The following KALRN variants were observed in gnomAD, a reference collection of about 807,000 sequenced individuals.
The protein encoded by KALRN is kalirin.
KALRN carries 70 observed loss-of-function variants against 353.7 expected under a neutral mutation model. The observed-to-expected ratio is 0.20, with a 90% confidence interval of 0.16 to 0.24. The LOEUF (loss-of-function observed/expected upper bound fraction) is 0.24. Among genes scored for constraint, KALRN ranks in the 10% least tolerant of loss-of-function variants. The pLI is 1.00. For missense variants in KALRN, 2,791 were observed against 3,756.7 expected (o/e 0.74, Z 6.72); for synonymous variants, 1,391 against 1,434.8 (o/e 0.97, Z 0.69).
At chr3:124,622,709 G>A (rs1490196876) in intron 34 of KALRN, among the ~76,000 whole-genome samples, 2 of 152,172 alleles carry the variant, frequency 1.3e-5, no homozygotes, top group Non-Finnish European at 1.5e-5. Flanking sequence ...TTCTGTCTGG[G>A]AATTGTAGTC....
chr3:124,518,561 C>T (rs999850149), intron 33 of KALRN: 121 of 1,607,996 alleles, frequency 7.5e-5, no homozygotes, highest in Non-Finnish European at 1.4e-5. Flanking sequence ...CTTGAGACTT[C>T]TCTGGCAGGG....
At chr3:124,064,237 G>C (rs1354902986) in intron 1 of KALRN, among the ~76,000 whole-genome samples, 1 of 152,068 alleles carries the variant, frequency 6.6e-6, no homozygotes, top group Non-Finnish European at 1.5e-5. Context: ...TAAACCAGAG[G>C]GACTGAGCTC....
In KALRN at chr3:124,185,548, T is replaced by A. The variant is rs77764557; in HGVS notation, c.74-42442T>A. Among the ~76,000 whole-genome samples the A allele has an allele frequency of 7.0e-4, 106 of 152,346 alleles. No individual in the cohort carries two copies. The South Asian group carries it at 0.014, about 20-fold the overall frequency. On this transcript the variant is annotated intron_variant, in intron 1 of 59. Coordinates refer to ENST00000682506, the MANE Select transcript of KALRN (RefSeq NM_001388419.1). ...TTGTATCCACTGTGATCCTCCAAGG[T>A]TGAGGACTCGCCTTCCTTGGCAGGT...
Position 124,699,685 on chromosome 3 carries a change from C to T in KALRN, c.7832-184C>T, listed in dbSNP as rs1383310641. Among the ~76,000 whole-genome samples, 5 of 152,286 alleles carry T rather than the reference C, an allele frequency of 3.3e-5. No homozygotes were observed. The South Asian group carries it at 6.2e-4, about 19-fold the overall frequency. On this transcript the variant is annotated intron_variant, in intron 55 of 59. Coordinates refer to ENST00000682506, the MANE Select transcript of KALRN (RefSeq NM_001388419.1). ...CTTCCACGCCTCTCACCATTTATTC[C>T]GTCATTTAGGAAACCGAATCCAAAC...
chr3:124,597,133 A>T (rs1318246274), intron 34 of KALRN, among the ~76,000 whole-genome samples: 3 of 152,222 alleles, frequency 2.0e-5, no homozygotes, highest in Non-Finnish European at 4.4e-5. Flanking sequence ...GCCAACCATC[A>T]CATTCAGATG....
At chr3:124,266,147 AC>A (rs1169203787) in intron 4 of KALRN, among the ~76,000 whole-genome samples, 4 of 152,190 alleles carry the variant, frequency 2.6e-5, no homozygotes, top group Non-Finnish European at 5.9e-5. Flanking sequence ...AAACAAAAAA[AC>A]AAAACAAGCA....
At chr3:124,240,590 C>T (rs148952269) in intron 3 of KALRN, among the ~76,000 whole-genome samples, 79 of 152,258 alleles carry the variant, frequency 5.2e-4, no homozygotes, top group South Asian at 1.5e-3. Context: ...GAATTGGTAC[C>T]TTGACCCCAC....
In KALRN at chr3:124,120,709, AAAATATATATATATATAT is replaced by A. The variant is rs201241006; in HGVS notation, c.73+86898_73+86915del. Among the ~76,000 whole-genome samples, 41 of 112,708 alleles carry A rather than the reference AAAATATATATATATATAT, an allele frequency of 3.6e-4. 1 individual carries two copies. In the East Asian group the frequency reaches 4.2e-3, roughly 11 times the overall value. The allele number at this position is 112,708 out of a possible 152,430, so 73.9% of individuals were successfully genotyped here. The stretch of plus-strand genomic sequence containing the variant: ...ACTTACAATCCAGATAGGAATACTA[AAAATATATATATATATAT>A]ATATATATATATATATATTTTCACA... On this transcript the variant is annotated intron_variant, in intron 1 of 59. Transcript: ENST00000682506.
intron 1 of KALRN, among the ~76,000 whole-genome samples, chr3:124,067,114 C>T (rs1344980371): frequency 6.6e-6 from 1 of 152,180 alleles, no homozygotes; most frequent in Non-Finnish European, 1.5e-5. Context: ...GATAAGAAAA[C>T]AGTTCCCAGG....
chr3:124,705,853 C>CCT, intron 57 of KALRN, among the ~76,000 whole-genome samples: 1 of 122,484 alleles, frequency 8.2e-6, no homozygotes, highest in African/African-American at 3.2e-5. Context: ...CCTTCCTTCC[C>CCT]TCCCTCCCTT....
chr3:124,202,202 A>T (rs1579318522), intron 1 of KALRN, among the ~76,000 whole-genome samples: 1 of 152,188 alleles, frequency 6.6e-6, no homozygotes, highest in South Asian at 2.1e-4. Context: ...AGATCTGGAA[A>T]GTTCCCTCTT....
At chr3:124,044,859 CTCCTTCCTTCCTTCCT>C (rs1186718315) in intron 1 of KALRN, among the ~76,000 whole-genome samples, 1 of 43,218 alleles carries the variant, frequency 2.3e-5, no homozygotes, top group Admixed American at 3.0e-4. Flanking sequence ...CCCTCCCTCC[CTCCTTCCTTCCTTCCT>C]TCCTTCCTTC....
At chr3:124,538,026 G>A (rs183703763) in intron 33 of KALRN, among the ~76,000 whole-genome samples, 179 of 152,338 alleles carry the variant, frequency 1.2e-3, no homozygotes, top group Non-Finnish European at 1.3e-3. Context: ...AAGTCCCCAC[G>A]GAGGTGTTGG....
intron 1 of KALRN, among the ~76,000 whole-genome samples, chr3:124,064,143 A>G (rs759639435): frequency 6.6e-6 from 1 of 152,216 alleles, no homozygotes; most frequent in Non-Finnish European, 1.5e-5. Context: ...TTCAGAGTCT[A>G]GCAGGGGAGA....
chr3:124,299,983 T>A (rs1038318180), intron 6 of KALRN, among the ~76,000 whole-genome samples: 2 of 152,150 alleles, frequency 1.3e-5, no homozygotes, highest in African/African-American at 4.8e-5. Context: ...CCACCATTCC[T>A]CATATATCTG....
intron 3 of KALRN, among the ~76,000 whole-genome samples, chr3:124,264,249 G>A (rs1027901016): frequency 9.2e-5 from 14 of 152,324 alleles, no homozygotes; most frequent in Admixed American, 2.0e-4. Context: ...CTCAACCTGC[G>A]TAAGAAAGGC....
At chr3:124,570,400 C>T (rs1432386590) in intron 34 of KALRN, among the ~76,000 whole-genome samples, 1 of 152,086 alleles carries the variant, frequency 6.6e-6, no homozygotes, top group African/African-American at 2.4e-5. Context: ...TGAGGTAGTC[C>T]TTTGAGATTC....
At chr3:124,308,255 T>C (rs140196362) in intron 6 of KALRN, among the ~76,000 whole-genome samples, 29 of 152,046 alleles carry the variant, frequency 1.9e-4, no homozygotes, top group African/African-American at 6.7e-4. Flanking sequence ...TAATAATGGA[T>C]GGAACAAATT....
At chr3:124,040,525 C>A (rs930880702) in intron 1 of KALRN, among the ~76,000 whole-genome samples, 1 of 152,050 alleles carries the variant, frequency 6.6e-6, no homozygotes, top group African/African-American at 2.4e-5. Context: ...TTACAATGCA[C>A]AGGACAACAA....
Sources: allele counts gnomAD v4.1 joint callset (sites outside exome capture counted in the v4.1 genomes callset), GRCh38; gene constraint gnomAD v4.1.1; transcripts MANE v1.5; gene names NCBI Gene and HGNC (gene_info 2026-07-23, HGNC 2026-07-21).